The following ETFA variants were observed in gnomAD, a reference collection of about 807,000 sequenced individuals.
ETFA encodes the protein electron transfer flavoprotein subunit alpha, mitochondrial.
A neutral mutation model predicts 46.2 loss-of-function variants in ETFA; 22 were observed. That is an observed-to-expected ratio of 0.48 (90% confidence interval 0.34 to 0.68). The LOEUF is 0.68. Ranked by LOEUF, ETFA falls within the 30% of genes least tolerant of loss-of-function variation. The probability of loss-of-function intolerance (pLI) is 0.01; values close to 1 mark genes in which losing one functional copy is unlikely to be tolerated. For synonymous variants in ETFA, 131 were observed against 139.9 expected, an observed-to-expected ratio of 0.94 and a Z score of 0.45; for missense variants, 345 against 401.1, an observed-to-expected ratio of 0.86 and a Z score of 1.19.
chr15:76,269,516 A>G (rs536499061), intron 9 of ETFA, among the ~76,000 whole-genome samples: 6 of 152,306 alleles, frequency 3.9e-5, no homozygotes, highest in Admixed American at 2.0e-4. Flanking sequence ...TTGTTTGATC[A>G]TCAATAAATA....
intron 9 of ETFA, among the ~76,000 whole-genome samples, chr15:76,256,183 G>A (rs376446619): frequency 1.2e-4 from 18 of 151,450 alleles, no homozygotes; most frequent in Non-Finnish European, 2.5e-4. Flanking sequence ...ACTTGAACCC[G>A]GGAGGTGGAG....
At chr15:76,310,858 C>G (rs999735101) in intron 1 of ETFA, among the ~76,000 whole-genome samples, 1 of 152,070 alleles carries the variant, frequency 6.6e-6, no homozygotes, top group Non-Finnish European at 1.5e-5. Flanking sequence ...CCACCCCACC[C>G]CCGCCCTTGA....
At chr15:76,309,546 A>G (rs2039969633) in intron 1 of ETFA, among the ~76,000 whole-genome samples, 1 of 152,272 alleles carries the variant, frequency 6.6e-6, no homozygotes, top group Non-Finnish European at 1.5e-5. Flanking sequence ...TTGGCAAACC[A>G]CAATGAATAT....
intron 1 of ETFA, among the ~76,000 whole-genome samples, chr15:76,306,109 T>C (rs1167961870): frequency 6.6e-6 from 1 of 151,970 alleles, no homozygotes; most frequent in African/African-American, 2.4e-5. Flanking sequence ...CCACAGATGG[T>C]AGAAGAAGAA....
In ETFA at chr15:76,292,529, A is replaced by G; in HGVS notation, c.269-16T>C. The G allele has an allele frequency of 6.2e-7, 1 of 1,606,826 alleles. No homozygotes were observed. Among genetic ancestry groups the G allele is most frequent in the Non-Finnish European group, 8.5e-7 (1 of 1,173,320 alleles). The stretch of plus-strand genomic sequence containing the variant: ...GTCAGTTCCTCTGAGAATTAAACAC[A>G]TTTGATAAAAAAATATTTTGAAATA... On this transcript the variant is annotated splice_polypyrimidine_tract_variant and intron_variant, in intron 3 of 11. Transcript: ENST00000557943.
chr15:76,274,554 T>C (rs993901128), intron 8 of ETFA, 60 bp from the exon 9 acceptor site: 2 of 1,279,194 alleles, frequency 1.6e-6, no homozygotes, highest in African/African-American at 1.5e-5. Context: ...AGTTAGGATA[T>C]TCACTGATAA....
chr15:76,300,098 T>C (rs1188323201), intron 1 of ETFA, among the ~76,000 whole-genome samples: 2 of 152,218 alleles, frequency 1.3e-5, no homozygotes, highest in Non-Finnish European at 2.9e-5. Flanking sequence ...CAGCAATGTT[T>C]AAAGTTACTG....
chr15:76,311,417 T>C lies in ETFA; in HGVS notation c.-29A>G. ...CTCCGCTTCCGCCGCAACCTCGGCC[T>C]TACAGCAGCCCCGTGCCCGGCCAAC... On this transcript the variant is annotated 5_prime_UTR_variant, in exon 1 of 12. Coordinates refer to ENST00000557943, the MANE Select transcript of ETFA (RefSeq NM_000126.4). 1 of 1,551,790 alleles carries C rather than the reference T, an allele frequency of 6.4e-7. No individual in the cohort carries two copies. Among genetic ancestry groups the C allele is most frequent in the East Asian group, 2.4e-5 (1 of 41,418 alleles).
At chr15:76,267,912 G>A (rs938355947) in intron 9 of ETFA, among the ~76,000 whole-genome samples, 2 of 152,214 alleles carry the variant, frequency 1.3e-5, no homozygotes, top group African/African-American at 4.8e-5. Context: ...ACAACCAGGT[G>A]TCTGTGTGGG....
chr15:76,249,129 A>ATT (rs71143303), intron 9 of ETFA, among the ~76,000 whole-genome samples: 11,556 of 140,652 alleles, frequency 0.082, 573 homozygotes, highest in Non-Finnish European at 0.1. Context: ...TACCATAGTA[A>ATT]TTTTTTTTTT....
chr15:76,285,578 TAAAAA>T, intron 7 of ETFA, 54 bp downstream of exon 7: 1 of 834,590 alleles, frequency 1.2e-6, no homozygotes, highest in Non-Finnish European at 1.9e-6. Flanking sequence ...ATACTAAAAA[TAAAAA>T]AAAAAATCAA....
Position 76,261,493 on chromosome 15 carries a change from C to T in ETFA, c.816+12919G>A, listed in dbSNP as rs147756214. 4.2e-4 allele frequency: 323 copies of T among 777,958 alleles called. 1 individual carries two copies. In the African/African-American group the frequency reaches 4.3e-3, roughly 10 times the overall value. 48.2% of individuals were successfully genotyped at this position (777,958 alleles called of 1,614,324 possible). A position where few individuals can be genotyped will look rare whatever the true frequency, so the allele number is the denominator to read the frequency against. ...CCACTGGATGTCAGGCTCCTCCATC[C>T]CCTCCATGCTGCAGCTGAGCTTTAC... On this transcript the variant is annotated intron_variant, in intron 9 of 11. Coordinates refer to ENST00000557943, the MANE Select transcript of ETFA (RefSeq NM_000126.4).
chr15:76,284,482 TTTTA>T (rs551137419), intron 7 of ETFA: 91 of 205,606 alleles, frequency 4.4e-4, no homozygotes, highest in South Asian at 1.3e-3. Flanking sequence ...AAATTATTAT[TTTTA>T]TTTATTTATT....
At chr15:76,310,406 A>T (rs1185592512) in intron 1 of ETFA, among the ~76,000 whole-genome samples, 3 of 150,634 alleles carry the variant, frequency 2.0e-5, no homozygotes, top group Admixed American at 2.0e-4. Flanking sequence ...GAAAAGGTAC[A>T]AACCATCAGG....
chr15:76,279,100 T>G (rs1198181986), intron 8 of ETFA, among the ~76,000 whole-genome samples: 1 of 152,206 alleles, frequency 6.6e-6, no homozygotes, highest in Non-Finnish European at 1.5e-5. Flanking sequence ...CCTGCTTCCC[T>G]ATATAGCAAA....
chr15:76,284,450 C>T, intron 7 of ETFA: 1 of 210,798 alleles, frequency 4.7e-6, no homozygotes, highest in East Asian at 1.6e-4. Context: ...CATGCAGAAC[C>T]TCCGTCTCTA....
intron 11 of ETFA, among the ~76,000 whole-genome samples, chr15:76,220,302 G>C (rs1033917117): frequency 6.6e-6 from 1 of 152,182 alleles, no homozygotes; most frequent in African/African-American, 2.4e-5. Flanking sequence ...TCGTGACATC[G>C]AGTGATCCAC....
intron 9 of ETFA, among the ~76,000 whole-genome samples, chr15:76,262,965 T>C (rs1046449624): frequency 2.0e-5 from 3 of 152,156 alleles, no homozygotes; most frequent in African/African-American, 7.2e-5. Flanking sequence ...TAAGAATAGA[T>C]GTGTCAGGAC....
intron 11 of ETFA, among the ~76,000 whole-genome samples, chr15:76,218,027 G>A (rs1318882628): frequency 6.6e-6 from 1 of 152,226 alleles, no homozygotes; most frequent in Non-Finnish European, 1.5e-5. Context: ...CCTCAGTGGA[G>A]AGACCATGAG....
Sources: allele counts gnomAD v4.1 joint callset (sites outside exome capture counted in the v4.1 genomes callset), GRCh38; gene constraint gnomAD v4.1.1; transcripts MANE v1.5; gene names NCBI Gene and HGNC (gene_info 2026-07-23, HGNC 2026-07-21).